The following GLIS1 variants were observed in gnomAD, a reference collection of about 807,000 sequenced individuals.
GLIS1 encodes zinc finger protein GLIS1.
GLIS1 carries 24 observed loss-of-function variants against 63.8 expected under a neutral mutation model. That is an observed-to-expected ratio of 0.38 (90% CI 0.27 to 0.53). The LOEUF (loss-of-function observed/expected upper bound fraction) is 0.53, where lower values mean the gene tolerates loss of function less well. Among genes scored for constraint, GLIS1 ranks in the 20% least tolerant of loss-of-function variants. The pLI, the probability that GLIS1 is intolerant of heterozygous loss-of-function variation, is 0.85. For missense variants in GLIS1, 1,036 were observed against 1,074.1 expected (o/e 0.96, Z 0.50); for synonymous variants, 450 against 482.5 (o/e 0.93, Z 0.88).
intron 2 of GLIS1, among the ~76,000 whole-genome samples, chr1:53,670,890 A>G (rs896659266): frequency 2.0e-5 from 3 of 152,268 alleles, no homozygotes; most frequent in African/African-American, 7.2e-5. Context: ...AATGAAAAGC[A>G]GGCAACAATC....
intron 7 of GLIS1, among the ~76,000 whole-genome samples, chr1:53,519,743 G>A (rs955655711): frequency 6.6e-6 from 1 of 152,206 alleles, no homozygotes; most frequent in African/African-American, 2.4e-5. Context: ...AGTCCCAGGG[G>A]CTCTGGGGGC....
At chr1:53,552,030 C>T (rs956726301) in intron 4 of GLIS1, among the ~76,000 whole-genome samples, 1 of 152,104 alleles carries the variant, frequency 6.6e-6, no homozygotes. Context: ...TGCAACCATA[C>T]ACATCCCAAC....
In GLIS1 at chr1:53,594,761, C is replaced by T. The variant is rs1645236102; in HGVS notation, c.667G>A (p.Gly223Ser). 5.0e-6 allele frequency: 8 copies of T among 1,595,120 alleles called. No individual in the cohort carries two copies. The highest frequency in any genetic ancestry group is 6.8e-6 in the Non-Finnish European group (8 of 1,171,266). ...CYLLGSEPSS[G>S]LGLQPETHLP... ...TGGGTCTCGGGCTGGAGGCCCAGGC[C>T]AGAGCTGGGTTCGCTGCCCAGAAGG... Residue 223 changes from glycine to serine, a missense_variant, in exon 4 of 11, where the codon GGC becomes AGC. Gly to Ser is a moderately conservative substitution (Grantham distance 56, BLOSUM62 0). Around this residue, in one of 3 missense-constraint regions of GLIS1, gnomAD observed 592 missense variants for 593.9 expected, o/e 1.00. Transcript: ENST00000628545.
chr1:53,611,958 C>T (rs912919284), intron 2 of GLIS1, among the ~76,000 whole-genome samples: 1 of 152,192 alleles, frequency 6.6e-6, no homozygotes, highest in African/African-American at 2.4e-5. Flanking sequence ...CAGAGCCTCC[C>T]AAGTAGCTGG....
chr1:53,577,132 C>A (rs1284851577), intron 4 of GLIS1, among the ~76,000 whole-genome samples: 2 of 151,442 alleles, frequency 1.3e-5, no homozygotes, highest in Non-Finnish European at 2.9e-5. Flanking sequence ...CTCCAGCCTC[C>A]CCCCCCTCCA....
Position 53,545,608 on chromosome 1 carries a change from C to T in GLIS1, c.1321-15656G>A, listed in dbSNP as rs117987203. On this transcript the variant is annotated intron_variant, in intron 4 of 10. Coordinates refer to ENST00000628545, the MANE Select transcript of GLIS1 (RefSeq NM_001367484.1). ...TGGAAAAATACTCCAAAATATTAAA[C>T]AATGGTTATTTCTGAGTGGTGTAGT... is the stretch of plus-strand genomic sequence containing the variant. Among the ~76,000 whole-genome samples the T allele has an allele frequency of 4.9e-4, 75 of 152,282 alleles. No homozygotes were observed. In the East Asian group the frequency reaches 0.013, roughly 27 times the overall value.
intron 4 of GLIS1, among the ~76,000 whole-genome samples, chr1:53,551,919 C>G (rs1037909002): frequency 5.3e-5 from 8 of 152,164 alleles, no homozygotes; most frequent in Admixed American, 1.3e-4. Flanking sequence ...CATACATGTA[C>G]CTAACTGCAG....
At chr1:53,558,813 G>A (rs1433408526) in intron 4 of GLIS1, among the ~76,000 whole-genome samples, 3 of 152,190 alleles carry the variant, frequency 2.0e-5, no homozygotes, top group Admixed American at 6.5e-5. Flanking sequence ...TTCAGGCCCC[G>A]ACACGTGTTG....
At chr1:53,661,076 A>G (rs116370696) in intron 2 of GLIS1, among the ~76,000 whole-genome samples, 2,667 of 152,336 alleles carry the variant, frequency 0.018, 63 homozygotes, top group African/African-American at 0.059. Context: ...ATACACATCC[A>G]TGTATGTATG....
intron 2 of GLIS1, among the ~76,000 whole-genome samples, chr1:53,632,667 G>C (rs35779648): frequency 2.0e-5 from 3 of 149,980 alleles, no homozygotes; most frequent in Non-Finnish European, 4.4e-5. Context: ...ATGAGACTGA[G>C]GGGTGTGTGA....
chr1:53,611,302 C>A (rs1569915463), intron 2 of GLIS1, among the ~76,000 whole-genome samples: 1 of 152,292 alleles, frequency 6.6e-6, no homozygotes, highest in Middle Eastern at 3.4e-3. Flanking sequence ...TTTGCCCAGA[C>A]TAGTCTTGAA....
chr1:53,594,143 G>T lies in GLIS1; in HGVS notation c.1285C>A (p.Arg429=). Residue 429 remains arginine (R), a synonymous_variant, in exon 4 of 11, where the codon CGA becomes AGA. Transcript: ENST00000628545. ...NARYKLLIHM[R]VHSGEKPNKC... ...TTGGGCTTCTCGCCCGAGTGCACTC[G>T]CATGTGGATGAGCAGCTTGTAGCGG... 2 of 1,613,226 alleles carry T rather than the reference G, an allele frequency of 1.2e-6. No homozygotes were observed. The highest frequency in any genetic ancestry group is 8.5e-7 in the Non-Finnish European group (1 of 1,179,372).
intron 2 of GLIS1, among the ~76,000 whole-genome samples, chr1:53,690,356 C>T (rs567929333): frequency 2.0e-5 from 3 of 152,338 alleles, no homozygotes; most frequent in East Asian, 1.9e-4. Flanking sequence ...TCTGTGAAGA[C>T]CTGTGCTGCA....
At position 53,526,011 on chromosome 1, in the gene GLIS1, C is replaced by T. The variant is rs1044491687; in HGVS notation, c.1483-1124G>A. 6.6e-6 allele frequency among the ~76,000 whole-genome samples: 1 copy of T among 152,190 alleles called. No homozygotes were observed. The highest frequency in any genetic ancestry group is 1.5e-5 in the Non-Finnish European group (1 of 68,032). On this transcript the variant is annotated intron_variant, in intron 5 of 10. Transcript: ENST00000628545. The surrounding 1 kb of genome is among the most constrained non-coding windows in gnomAD (Gnocchi z 4.4). ...ATCCCAATCTCTCCCAAGGCTTCCA[C>T]AGGACCCTGCTTGAGGACTCTGGCC...
chr1:53,681,265 C>T (rs1309605074), intron 2 of GLIS1, among the ~76,000 whole-genome samples: 1 of 152,270 alleles, frequency 6.6e-6, no homozygotes, highest in Admixed American at 6.5e-5. Context: ...GCATGCTCTT[C>T]TCCAGGGCTG....
At chr1:53,540,847 C>A (rs916493797) in intron 4 of GLIS1, among the ~76,000 whole-genome samples, 5 of 152,214 alleles carry the variant, frequency 3.3e-5, no homozygotes. Context: ...CAGAGATTCT[C>A]CACCCACTGC....
At chr1:53,517,300 C>T (rs1383081988) in intron 7 of GLIS1, among the ~76,000 whole-genome samples, 2 of 152,082 alleles carry the variant, frequency 1.3e-5, no homozygotes, top group Non-Finnish European at 1.5e-5. Flanking sequence ...CCGTCCTTAC[C>T]GCTCCCTGCC....
intron 7 of GLIS1, among the ~76,000 whole-genome samples, chr1:53,517,041 A>C (rs1644359882): frequency 6.6e-6 from 1 of 152,198 alleles, no homozygotes; most frequent in Non-Finnish European, 1.5e-5. Context: ...GACAAGTGTC[A>C]GTGGGGAACA....
At chr1:53,518,297 G>T (rs937120178) in intron 7 of GLIS1, among the ~76,000 whole-genome samples, 1 of 152,214 alleles carries the variant, frequency 6.6e-6, no homozygotes, top group Non-Finnish European at 1.5e-5. Context: ...AAGACAGCCT[G>T]CACAGATGGT....
Sources: allele counts gnomAD v4.1 joint callset (sites outside exome capture counted in the v4.1 genomes callset), GRCh38; gene constraint gnomAD v4.1.1; regional missense constraint gnomAD v4.1.1; non-coding constraint Gnocchi (gnomAD v3.1); transcripts MANE v1.5; gene names NCBI Gene and HGNC (gene_info 2026-07-23, HGNC 2026-07-21).